Variants in TNFSF12 observed in about 807,000 individuals in gnomAD.
TNFSF12 encodes TNF superfamily member 12.
TNFSF12 carries 16 observed loss-of-function variants against 31.2 expected under a neutral mutation model. The observed-to-expected ratio is 0.51, with a 90% CI of 0.35 to 0.78. The LOEUF (loss-of-function observed/expected upper bound fraction) is 0.78. TNFSF12 is among the 30% of genes least tolerant of loss of function. The pLI is 0.01. For missense variants in TNFSF12, 324 were observed against 338.8 expected (o/e 0.96, Z 0.34); for synonymous variants, 150 against 151.4 (o/e 0.99, Z 0.07).
chr17:7,556,928 A>G (rs1320490237), intron 6 of TNFSF12, 26 bp downstream of exon 6: 5 of 1,525,666 alleles, frequency 3.3e-6, no homozygotes, highest in African/African-American at 1.4e-5. Context: ...CTGCATGGGT[A>G]ACGCAGTAAG....
Position 7,556,909 on chromosome 17 carries a change from C to T in TNFSF12, c.498+7C>T, listed in dbSNP as rs1278063774. The T allele has an allele frequency of 2.6e-6, 4 of 1,523,426 alleles. No homozygotes were observed. In the South Asian group the frequency reaches 3.9e-5, roughly 15 times the overall value. The allele number at this position is 1,523,426 out of a possible 1,614,324, so 94.4% of individuals were successfully genotyped here. A position where few individuals can be genotyped will look rare whatever the true frequency, so the allele number is the denominator to read the frequency against. On this transcript the variant is annotated splice_region_variant and intron_variant, in intron 6 of 6. Transcript: ENST00000293825. ...CTACTACCTGTACTGTCAGGTAAGC[C>T]CCATCTGGCTGCATGGGTAACGCAG...
At position 7,549,581 on chromosome 17, in the gene TNFSF12, G is replaced by A; in HGVS notation, c.207+60G>A. ...GGGCATGGGAAGTGTGCACAGCCGAGGCTGCAGGTGTGTGCAGCTGTGCCA... is the reference window on the plus strand; with the variant it reads ...GGGCATGGGAAGTGTGCACAGCCGAAGCTGCAGGTGTGTGCAGCTGTGCCA... On this transcript the variant is annotated intron_variant, in intron 2 of 6. Transcript: ENST00000293825. This position sits in a 1 kb window ranked among gnomAD's most constrained non-coding sequence, Gnocchi z 4.1. 6.8e-7 allele frequency: 1 copy of A among 1,477,004 alleles called. No individual in the cohort carries two copies. The highest frequency in any genetic ancestry group is 2.5e-5 in the East Asian group (1 of 39,876). 91.5% of individuals were successfully genotyped at this position (1,477,004 alleles called of 1,614,324 possible). A position where few individuals can be genotyped will look rare whatever the true frequency, so the allele number is the denominator to read the frequency against.
intron 5 of TNFSF12, 40 bp downstream of exon 5, chr17:7,551,018 A>G (rs1167900307): frequency 1.2e-6 from 2 of 1,612,176 alleles, no homozygotes; most frequent in Admixed American, 3.3e-5. Context: ...GCCTCCTGGG[A>G]AAAGGGCCCT....
chr17:7,549,075 C>G lies in TNFSF12; in HGVS notation c.-79C>G. ...GCCCCTCCCTCTCCCCGGCCCGATC[C>G]GCCCGCCGGCTCCCCCTCCCCCGAT... On this transcript the variant is annotated 5_prime_UTR_variant, in exon 1 of 7. Transcript: ENST00000293825. This position sits in a 1 kb window ranked among gnomAD's most constrained non-coding sequence, Gnocchi z 4.1. The G allele has an allele frequency of 8.3e-7, 1 of 1,204,106 alleles. No homozygotes were observed. The highest frequency in any genetic ancestry group is 4.0e-5 in the South Asian group (1 of 25,276). The allele number at this position is 1,204,106 out of a possible 1,614,324, so 74.6% of individuals were successfully genotyped here.
chr17:7,550,122 A>G lies in TNFSF12; in HGVS notation c.210A>G (p.Glu70=). ...GAACCCTGCCCTAATTCCCCTAGGA[A>G]CTGAATCCCCAGACAGAAGAAAGCC... The part of the protein sequence containing the change: ...LVAEEDQDPS[E]LNPQTEESQD... Residue 70 remains glutamate (E), a splice_region_variant and synonymous_variant, in exon 3 of 7, where the codon GAA becomes GAG. Transcript: ENST00000293825. The surrounding 1 kb of genome is among the most constrained non-coding windows in gnomAD (Gnocchi z 4.4). The G allele has an allele frequency of 3.1e-6, 5 of 1,614,012 alleles. No individual in the cohort carries two copies. Among genetic ancestry groups the G allele is most frequent in the Non-Finnish European group, 4.2e-6 (5 of 1,179,982 alleles).
In TNFSF12 at chr17:7,549,585, G is replaced by C; in HGVS notation, c.207+64G>C. ...ATGGGAAGTGTGCACAGCCGAGGCT[G>C]CAGGTGTGTGCAGCTGTGCCAGCCG... On this transcript the variant is annotated intron_variant, in intron 2 of 6. Coordinates refer to ENST00000293825, the MANE Select transcript of TNFSF12 (RefSeq NM_003809.3). This position sits in a 1 kb window ranked among gnomAD's most constrained non-coding sequence, Gnocchi z 4.1. 1 of 1,469,680 alleles carries C rather than the reference G, an allele frequency of 6.8e-7. No individual in the cohort carries two copies. The highest frequency in any genetic ancestry group is 1.3e-5 in the South Asian group (1 of 74,724). The allele number at this position is 1,469,680 out of a possible 1,614,324, so 91.0% of individuals were successfully genotyped here. A position where few individuals can be genotyped will look rare whatever the true frequency, so the allele number is the denominator to read the frequency against.
intron 5 of TNFSF12, among the ~76,000 whole-genome samples, chr17:7,554,202 T>C (rs2150906889): frequency 6.6e-6 from 1 of 152,262 alleles, no homozygotes; most frequent in Middle Eastern, 3.4e-3. Flanking sequence ...CCACTTATTT[T>C]GGCAATTATC....
At chr17:7,555,982 G>T (rs11078696) in intron 5 of TNFSF12, among the ~76,000 whole-genome samples, 69,273 of 114,950 alleles carry the variant, frequency 0.6, 23,160 homozygotes, top group Middle Eastern at 0.78. Context: ...CGTTTTTTTT[G>T]TTTTTTTTTT....
At chr17:7,555,033 G>C (rs2071045192) in intron 5 of TNFSF12, among the ~76,000 whole-genome samples, 1 of 151,948 alleles carries the variant, frequency 6.6e-6, no homozygotes, top group African/African-American at 2.4e-5. Context: ...TGTAATCCCA[G>C]CTACTCAGGA....
chr17:7,549,619 G>A lies in TNFSF12; in HGVS notation c.207+98G>A. The A allele has an allele frequency of 2.1e-6, 3 of 1,437,370 alleles. No homozygotes were observed. Among genetic ancestry groups the A allele is most frequent in the Non-Finnish European group, 2.8e-6 (3 of 1,087,976 alleles). The allele number at this position is 1,437,370 out of a possible 1,614,324, so 89.0% of individuals were successfully genotyped here. Reference sequence around the variant, plus strand: ...TGCAGCTGTGCCAGCCGTACTCGAGGTGTGTGCAGGGTGTGTGTGAACACA... The same window carrying A: ...TGCAGCTGTGCCAGCCGTACTCGAGATGTGTGCAGGGTGTGTGTGAACACA... On this transcript the variant is annotated intron_variant, in intron 2 of 6. Coordinates refer to ENST00000293825, the MANE Select transcript of TNFSF12 (RefSeq NM_003809.3). The surrounding 1 kb of genome is among the most constrained non-coding windows in gnomAD (Gnocchi z 4.1).
Position 7,557,284 on chromosome 17 carries a change from C to A in TNFSF12, c.684C>A (p.Thr228=). The A allele has an allele frequency of 1.2e-6, 2 of 1,613,812 alleles. No individual in the cohort carries two copies. Residue 228 remains threonine (T), a synonymous_variant, in exon 7 of 7, where the codon ACC becomes ACA. Transcript: ENST00000293825. This position sits in a 1 kb window ranked among gnomAD's most constrained non-coding sequence, Gnocchi z 5.2. ...LRPGSSLRIR[T]LPWAHLKAAP... is the part of the protein sequence containing the mutation. ...CAGGGTCCTCCCTGCGGATCCGCAC[C>A]CTCCCCTGGGCCCATCTCAAGGCTG... is the stretch of plus-strand genomic sequence containing the variant.
At chr17:7,553,943 C>T (rs1260610056) in intron 5 of TNFSF12, 8 of 969,510 alleles carry the variant, frequency 8.3e-6, no homozygotes, top group Admixed American at 9.9e-5. Context: ...TACAAAATCT[C>T]AACTTGCTGA....
chr17:7,557,505 C>A lies in TNFSF12; in HGVS notation c.*155C>A. 1 of 1,045,390 alleles carries A rather than the reference C, an allele frequency of 9.6e-7. No individual in the cohort carries two copies. The highest frequency in any genetic ancestry group is 1.7e-5 in the South Asian group (1 of 58,284). The allele number at this position is 1,045,390 out of a possible 1,614,324, so 64.8% of individuals were successfully genotyped here. ...CTGGGCCTGTTCACGTGTTTTCCAT[C>A]CCACATAAATACAGTATTCCCACTC... On this transcript the variant is annotated 3_prime_UTR_variant, in exon 7 of 7. Transcript: ENST00000293825. This position sits in a 1 kb window ranked among gnomAD's most constrained non-coding sequence, Gnocchi z 5.2.
chr17:7,549,519 T>C lies in TNFSF12; in HGVS notation c.205T>C (p.Ser69Pro). The change falls in exon 2 of 7, where the codon TCG becomes CCG. Residue 69 changes from serine to proline, a missense_variant and splice_region_variant. By Grantham distance (74) the Ser-to-Pro change is moderately conservative (BLOSUM62 -1). Coordinates refer to ENST00000293825, the MANE Select transcript of TNFSF12 (RefSeq NM_003809.3). The surrounding 1 kb of genome is among the most constrained non-coding windows in gnomAD (Gnocchi z 4.1). ...ELVAEEDQDP[S>P]ELNPQTEESQ... ...GGTGGCAGAGGAGGACCAGGACCCG[T>C]CGGTGAGTGGGCGTGGGCGCGGTCT... 1 of 1,550,854 alleles carries C rather than the reference T, an allele frequency of 6.4e-7. No individual in the cohort carries two copies. Among genetic ancestry groups the C allele is most frequent in the South Asian group, 1.2e-5 (1 of 84,010 alleles).
chr17:7,549,141 GC>G lies in TNFSF12; in HGVS notation c.-7del, dbSNP rs978714556. 1.2e-4 allele frequency: 153 copies of G among 1,266,820 alleles called. 1 individual carries two copies. Among genetic ancestry groups the G allele is most frequent in the Non-Finnish European group, 1.5e-4 (150 of 1,008,244 alleles). The allele number at this position is 1,266,820 out of a possible 1,614,324, so 78.5% of individuals were successfully genotyped here. A position where few individuals can be genotyped will look rare whatever the true frequency, so the allele number is the denominator to read the frequency against. On this transcript the variant is annotated 5_prime_UTR_variant, in exon 1 of 7. Coordinates refer to ENST00000293825, the MANE Select transcript of TNFSF12 (RefSeq NM_003809.3). The surrounding 1 kb of genome is among the most constrained non-coding windows in gnomAD (Gnocchi z 4.1). ...ATGGGGGGGCGGTGAGGCAGGCACA[GC>G]CCCCCGCCCCCATGGCCGCCCGTCG...
rs781277723 is a variant in TNFSF12 at position 7,550,891 on chromosome 17, A to G, written c.337+39A>G. ...GAGCCATACCCAGGAGGAGAGGGGC[A>G]GGTGGCAGAGGGTCAGGGCAGGTCT... On this transcript the variant is annotated intron_variant, in intron 4 of 6. Transcript: ENST00000293825. This position sits in a 1 kb window ranked among gnomAD's most constrained non-coding sequence, Gnocchi z 4.4. The G allele has an allele frequency of 1.1e-4, 179 of 1,613,826 alleles. 1 individual carries two copies. The highest frequency in any genetic ancestry group is 1.5e-4 in the Admixed American group (9 of 59,970).
In TNFSF12 at chr17:7,556,882, C is replaced by T; in HGVS notation, c.478C>T (p.Leu160Phe). 1 of 1,534,546 alleles carries T rather than the reference C, an allele frequency of 6.5e-7. No individual in the cohort carries two copies. The highest frequency in any genetic ancestry group is 8.8e-7 in the Non-Finnish European group (1 of 1,138,300). ...GGAGTTTATAGTCACCCGGGCTGGG[C>T]TCTACTACCTGTACTGTCAGGTAAG... Reference protein sequence around the residue: ...IGEFIVTRAGLYYLYCQVHFD... With the variant: ...IGEFIVTRAGFYYLYCQVHFD... Residue 160 changes from leucine to phenylalanine, a missense_variant, in exon 6 of 7, where the codon CTC becomes TTC. Leu to Phe is a conservative substitution (Grantham distance 22). Coordinates refer to ENST00000293825, the MANE Select transcript of TNFSF12 (RefSeq NM_003809.3).
chr17:7,551,447 C>T (rs2071000610), intron 5 of TNFSF12, among the ~76,000 whole-genome samples: 1 of 152,098 alleles, frequency 6.6e-6, no homozygotes, highest in African/African-American at 2.4e-5. Context: ...CATGCTGAGC[C>T]CCTAAACTTC....
intron 5 of TNFSF12, 79 bp downstream of exon 5, chr17:7,551,057 C>T: frequency 2.5e-6 from 4 of 1,604,024 alleles, no homozygotes; most frequent in Non-Finnish European, 3.4e-6. Flanking sequence ...CACTCCCTTC[C>T]CGGCCATCAG....
Sources: gnomAD v4.1 joint callset for allele counts (sites outside exome capture counted in the v4.1 genomes callset) on GRCh38, gnomAD v4.1.1 for gene constraint, Gnocchi (gnomAD v3.1) non-coding constraint, MANE v1.5 for transcripts, NCBI Gene and HGNC (gene_info 2026-07-23, HGNC 2026-07-21) for gene names.